The following COL4A2 variants were observed in gnomAD, a reference collection of about 807,000 sequenced individuals.
COL4A2 encodes the protein collagen alpha-2(IV) chain.
Under a neutral mutation model 200.2 loss-of-function variants are expected in COL4A2, and 99 were observed. The ratio of observed to expected loss-of-function variants is 0.49; its 90% CI spans 0.42 to 0.58. The LOEUF is 0.58. Among genes scored for constraint, COL4A2 ranks in the 20% least tolerant of loss-of-function variants. The probability of loss-of-function intolerance (pLI) is 0.00; values close to 1 mark genes in which losing one functional copy is unlikely to be tolerated. For missense variants in COL4A2, 1,950 were observed against 2,314.1 expected, an observed-to-expected ratio of 0.84 and a Z score of 3.23; for synonymous variants, 897 against 900.6, an observed-to-expected ratio of 1.00 and a Z score of 0.07.
chr13:110,399,155 T>C (rs1037110517), intron 4 of COL4A2, among the ~76,000 whole-genome samples: 2 of 152,206 alleles, frequency 1.3e-5, no homozygotes, highest in Non-Finnish European at 2.9e-5. Context: ...AGAAAATTTA[T>C]TGAACACCTA....
In COL4A2 at chr13:110,485,826, T is replaced by C. The variant is rs1262423458; in HGVS notation, c.3197T>C (p.Ile1066Thr). The C allele has an allele frequency of 3.7e-6, 6 of 1,613,608 alleles. No individual in the cohort carries two copies. Among genetic ancestry groups the C allele is most frequent in the South Asian group, 3.3e-5 (3 of 91,068 alleles). ...GGAATTACGGGATTCCCAGGATTCATAGGAAGCCGGGTGAGTGGGCGTCTT... is the reference window on the plus strand; with the variant it reads ...GGAATTACGGGATTCCCAGGATTCACAGGAAGCCGGGTGAGTGGGCGTCTT... ...PPGITGFPGF[I>T]GSRGDKGAPG... The change falls in exon 34 of 48, where the codon ATA becomes ACA. Residue 1066 changes from isoleucine (I) to threonine (T), a missense_variant. By Grantham distance (89) the Ile-to-Thr change is moderately conservative. This residue lies in a region of COL4A2 where 1,385 missense variants were observed against 1,720.5 expected (regional missense o/e 0.80). Coordinates refer to ENST00000360467, the MANE Select transcript of COL4A2 (RefSeq NM_001846.4).
intron 3 of COL4A2, among the ~76,000 whole-genome samples, chr13:110,354,106 G>A (rs1422032950): frequency 2.0e-5 from 3 of 152,196 alleles, no homozygotes; most frequent in African/African-American, 7.2e-5. Context: ...TTTATATGGA[G>A]GGATTTGGCA....
intron 20 of COL4A2, among the ~76,000 whole-genome samples, chr13:110,454,844 C>G (rs113891244): frequency 5.3e-4 from 81 of 152,248 alleles, no homozygotes; most frequent in African/African-American, 1.8e-3. Flanking sequence ...AGAGTCAACC[C>G]TATGCACGTG....
Position 110,512,128 on chromosome 13 carries a change from G to A in COL4A2, c.5076G>A (p.Thr1692=), listed in dbSNP as rs376020578. ...QSFQGSPSAD[T]LKAGLIRTHI... ...TCCAGGGCTCGCCCTCCGCCGACAC[G>A]CTCAAGGCCGGCCTCATCCGCACAC... Residue 1692 remains threonine, a synonymous_variant, in exon 48 of 48, where the codon ACG becomes ACA. Coordinates refer to ENST00000360467, the MANE Select transcript of COL4A2 (RefSeq NM_001846.4). 13 of 1,613,294 alleles carry A rather than the reference G, an allele frequency of 8.1e-6. No individual in the cohort carries two copies. Among genetic ancestry groups the A allele is most frequent in the Middle Eastern group, 1.6e-4 (1 of 6,084 alleles).
At chr13:110,503,692 G>C (rs146514580) in intron 43 of COL4A2, among the ~76,000 whole-genome samples, 155 bp from the exon 44 acceptor site, 2 of 152,206 alleles carry the variant, frequency 1.3e-5, no homozygotes. Context: ...GCTGAGTCAC[G>C]GCTCAGGCCC....
At chr13:110,386,620 A>G (rs1012962187) in intron 4 of COL4A2, among the ~76,000 whole-genome samples, 27 of 152,362 alleles carry the variant, frequency 1.8e-4, no homozygotes, top group African/African-American at 6.0e-4. Flanking sequence ...GTGTAATAGT[A>G]TGTAATACAT....
At chr13:110,433,303 G>A (rs188804201) in intron 11 of COL4A2, among the ~76,000 whole-genome samples, 769 of 152,376 alleles carry the variant, frequency 5.0e-3, no homozygotes, top group Non-Finnish European at 8.3e-3. Flanking sequence ...CCAGGCGGCC[G>A]GGCTGAGGAG....
chr13:110,311,473 G>A (rs527949742), intron 3 of COL4A2, among the ~76,000 whole-genome samples: 19 of 152,268 alleles, frequency 1.2e-4, no homozygotes, highest in South Asian at 2.1e-4. Context: ...CGCCTGGGGC[G>A]GACATTCGCC....
intron 21 of COL4A2, 109 bp downstream of exon 21, chr13:110,457,544 A>G: frequency 1.4e-6 from 1 of 737,006 alleles, no homozygotes; most frequent in African/African-American, 1.7e-5. Flanking sequence ...CATGAAAATG[A>G]GCCTGCATGT....
intron 3 of COL4A2, among the ~76,000 whole-genome samples, chr13:110,313,575 CCCGTGT>C (rs1885050749): frequency 2.1e-5 from 1 of 47,046 alleles, no homozygotes; most frequent in African/African-American, 7.2e-5. Context: ...ACCCCAGTGC[CCCGTGT>C]CCACCCGGCA....
intron 40 of COL4A2, among the ~76,000 whole-genome samples, chr13:110,500,215 C>T (rs1883594929): frequency 6.6e-6 from 1 of 152,182 alleles, no homozygotes; most frequent in Non-Finnish European, 1.5e-5. Context: ...AACAGAAAAC[C>T]ACTGTTGCTA....
intron 28 of COL4A2, among the ~76,000 whole-genome samples, chr13:110,470,741 A>G (rs1027001111): frequency 2.6e-5 from 4 of 152,176 alleles, no homozygotes; most frequent in Non-Finnish European, 5.9e-5. Flanking sequence ...AGTGAAGACT[A>G]ATTGAACCCT....
intron 27 of COL4A2, 95 bp downstream of exon 27, chr13:110,467,191 T>C (rs997217420): frequency 2.0e-6 from 3 of 1,503,790 alleles, no homozygotes; most frequent in East Asian, 4.7e-5. Context: ...TGGTCCTGCA[T>C]CCCCCACCCC....
chr13:110,461,472 C>G (rs1403563501), intron 22 of COL4A2, among the ~76,000 whole-genome samples: 2 of 152,268 alleles, frequency 1.3e-5, no homozygotes, highest in Non-Finnish European at 2.9e-5. Flanking sequence ...CTGGGTTTCC[C>G]TGTCCAACCA....
At chr13:110,428,693 A>G (rs556576265) in intron 7 of COL4A2, 110 bp downstream of exon 7, 1 of 535,382 alleles carries the variant, frequency 1.9e-6, no homozygotes, top group Admixed American at 3.8e-5. Context: ...CGGAAGCATA[A>G]CTGTATGTTG....
intron 4 of COL4A2, among the ~76,000 whole-genome samples, chr13:110,392,230 TG>T (rs1338650715): frequency 6.6e-6 from 1 of 152,218 alleles, no homozygotes; most frequent in Non-Finnish European, 1.5e-5. Context: ...ACAACTTGAC[TG>T]ATTTAAAAGA....
At chr13:110,431,321 T>A (rs1042589101) in intron 10 of COL4A2, among the ~76,000 whole-genome samples, 1 of 152,188 alleles carries the variant, frequency 6.6e-6, no homozygotes. Flanking sequence ...CAAGGGACAC[T>A]AACACCAGTT....
intron 4 of COL4A2, among the ~76,000 whole-genome samples, chr13:110,359,348 C>T (rs146073035): frequency 6.6e-6 from 1 of 152,290 alleles, no homozygotes; most frequent in East Asian, 1.9e-4. Context: ...TTTATATGTG[C>T]ACCTTTAAGT....
intron 4 of COL4A2, among the ~76,000 whole-genome samples, chr13:110,400,716 AAG>A (rs1879343552): frequency 6.6e-6 from 1 of 152,230 alleles, no homozygotes; most frequent in African/African-American, 2.4e-5. Flanking sequence ...CAGTAACTAA[AAG>A]AGTTATTCAG....
Sources: gnomAD v4.1 joint callset for allele counts (sites outside exome capture counted in the v4.1 genomes callset) on GRCh38, gnomAD v4.1.1 for gene constraint, gnomAD v4.1.1 regional missense constraint, MANE v1.5 for transcripts, NCBI Gene and HGNC (gene_info 2026-07-23, HGNC 2026-07-21) for gene names.